The following ITGB4 variants were observed in gnomAD, a reference collection of about 807,000 sequenced individuals.
ITGB4 encodes the protein integrin beta-4.
A neutral mutation model predicts 207.6 loss-of-function variants in ITGB4; 159 were observed. The ratio of observed to expected loss-of-function variants is 0.77; its 90% CI spans 0.67 to 0.87. The LOEUF (loss-of-function observed/expected upper bound fraction) is 0.87. ITGB4 is among the 40% of genes least tolerant of loss of function. The pLI, the probability that ITGB4 is intolerant of heterozygous loss-of-function variation, is 0.00. For synonymous variants in ITGB4, 1,020 were observed against 1,062.7 expected (o/e 0.96, Z 0.78); for missense variants, 2,278 against 2,546.8 (o/e 0.89, Z 2.27).
chr17:75,757,605 C>G lies in ITGB4; in HGVS notation c.*50C>G. On this transcript the variant is annotated 3_prime_UTR_variant, in exon 40 of 40. Transcript: ENST00000200181. ...CGTCCCACTAGGCGTCCTCCCGACT[C>G]CTCTCCCGGAGCCTCCTCAGCTACT... 6.2e-7 allele frequency: 1 copy of G among 1,611,446 alleles called. No homozygotes were observed. The highest frequency in any genetic ancestry group is 1.1e-5 in the South Asian group (1 of 91,048).
At position 75,739,003 on chromosome 17, in the gene ITGB4, A is replaced by C. The variant is rs923410905; in HGVS notation, c.2221-669A>C. 3.3e-5 allele frequency among the ~76,000 whole-genome samples: 5 copies of C among 151,842 alleles called. No homozygotes were observed. Among genetic ancestry groups the C allele is most frequent in the African/African-American group, 9.7e-5 (4 of 41,346 alleles). Reference sequence around the variant, plus strand: ...AAAAAAAAAGAAGGTTTAAGAAACAAGTTTCTTAAATTTAAGTTACAGTGG... The same window carrying C: ...AAAAAAAAAGAAGGTTTAAGAAACACGTTTCTTAAATTTAAGTTACAGTGG... On this transcript the variant is annotated intron_variant, in intron 18 of 39. Coordinates refer to ENST00000200181, the MANE Select transcript of ITGB4 (RefSeq NM_000213.5). The surrounding 1 kb of genome is among the most constrained non-coding windows in gnomAD (Gnocchi z 5.4).
rs547538762 is a variant in ITGB4, at chr17:75,733,373, G to A, written c.1455-117G>A. ...TGCACTCCAGCCTGGGCGACAAGGCGAGACTCCGTCTCAAAAAAAAAAATA... is the reference window on the plus strand; with the variant it reads ...TGCACTCCAGCCTGGGCGACAAGGCAAGACTCCGTCTCAAAAAAAAAAATA... On this transcript the variant is annotated intron_variant, in intron 12 of 39. Transcript: ENST00000200181. 2.2e-3 allele frequency: 1,786 copies of A among 824,850 alleles called. 9 individuals are homozygous for A. Among genetic ancestry groups the A allele is most frequent in the Non-Finnish European group, 2.8e-3 (1,597 of 563,738 alleles). The allele number at this position is 824,850 out of a possible 1,614,324, so 51.1% of individuals were successfully genotyped here. A position where few individuals can be genotyped will look rare whatever the true frequency, so the allele number is the denominator to read the frequency against.
Position 75,742,713 on chromosome 17 carries a change from G to T in ITGB4, c.2914G>T (p.Ala972Ser). The T allele has an allele frequency of 6.2e-7, 1 of 1,613,352 alleles. No individual in the cohort carries two copies. ...VEAIDVPAGT[A>S]TLGRRLVNIT... The stretch of plus-strand genomic sequence containing the variant: ...GGCCATCGACGTGCCCGCAGGCACT[G>T]CCACCCTCGGCCGCCGCCTGGTAAA... The change falls in exon 25 of 40, where the codon GCC (alanine) becomes TCC (serine). Residue 972 changes from alanine (A) to serine (S), a missense_variant. By Grantham distance (99) the Ala-to-Ser change is moderately conservative (BLOSUM62 1). Coordinates refer to ENST00000200181, the MANE Select transcript of ITGB4 (RefSeq NM_000213.5). The surrounding 1 kb of genome is among the most constrained non-coding windows in gnomAD (Gnocchi z 5.9).
In ITGB4 at chr17:75,743,740, C is replaced by A. The variant is rs939093780; in HGVS notation, c.2990C>A (p.Pro997His). The change falls in exon 26 of 40, where the codon CCT becomes CAT. Residue 997 changes from proline to histidine, a missense_variant. By Grantham distance (77) the Pro-to-His change is moderately conservative. Transcript: ENST00000200181. ...QARDVVSFEQ[P>H]EFSVSRGDQV... ...AGAGACGTGGTGTCCTTTGAGCAGCCTGAGTTCTCGGTCAGCCGCGGGGAC... is the reference window on the plus strand; with the variant it reads ...AGAGACGTGGTGTCCTTTGAGCAGCATGAGTTCTCGGTCAGCCGCGGGGAC... 5 of 1,613,468 alleles carry A rather than the reference C, an allele frequency of 3.1e-6. No homozygotes were observed. Among genetic ancestry groups the A allele is most frequent in the Middle Eastern group, 1.6e-4 (1 of 6,084 alleles).
chr17:75,740,433 C>A lies in ITGB4; in HGVS notation c.2522C>A (p.Ala841Asp), dbSNP rs1442197236. Reference sequence around the variant, plus strand: ...CTGAAGCCTGACACTCGGGAGTGCGCCCAGCTGCGCCAGGAGGTGGAGGAG... The same window carrying A: ...CTGAAGCCTGACACTCGGGAGTGCGACCAGCTGCGCCAGGAGGTGGAGGAG... ...NLLKPDTREC[A>D]QLRQEVEENL... is the part of the protein sequence containing the mutation. The change falls in exon 21 of 40, where the codon GCC becomes GAC. Residue 841 changes from alanine (A) to aspartate (D), a missense_variant. By Grantham distance (126) the Ala-to-Asp change is moderately radical. Transcript: ENST00000200181. The surrounding 1 kb of genome is among the most constrained non-coding windows in gnomAD (Gnocchi z 5.9). The A allele has an allele frequency of 6.2e-7, 1 of 1,613,690 alleles. No homozygotes were observed. The highest frequency in any genetic ancestry group is 2.2e-5 in the East Asian group (1 of 44,884).
At position 75,737,460 on chromosome 17, in the gene ITGB4, C is replaced by T. The variant is rs760439767; in HGVS notation, c.2113+16C>T. On this transcript the variant is annotated intron_variant, in intron 17 of 39. Coordinates refer to ENST00000200181, the MANE Select transcript of ITGB4 (RefSeq NM_000213.5). ...AAGAAGAAGGGTGAGCTGGTGGGGC[C>T]GGGCGCAGGGAGGGGGCGTGTGGCC... 42 of 1,552,226 alleles carry T rather than the reference C, an allele frequency of 2.7e-5. No homozygotes were observed. Among genetic ancestry groups the T allele is most frequent in the Middle Eastern group, 1.8e-4 (1 of 5,670 alleles).
Position 75,743,812 on chromosome 17 carries a change from A to C in ITGB4, c.3062A>C (p.Lys1021Thr). Residue 1021 changes from lysine (K) to threonine (T), a missense_variant, in exon 26 of 40, where the codon AAG (lysine) becomes ACG (threonine). Coordinates refer to ENST00000200181, the MANE Select transcript of ITGB4 (RefSeq NM_000213.5). Reference sequence around the variant, plus strand: ...ATCCGGCGTGTCCTGGACGGCGGGAAGTCCCAGGTCTCCTACCGCACACAG... The same window carrying C: ...ATCCGGCGTGTCCTGGACGGCGGGACGTCCCAGGTCTCCTACCGCACACAG... ...PVIRRVLDGG[K>T]SQVSYRTQDG... is the part of the protein sequence containing the mutation. 6.2e-7 allele frequency: 1 copy of C among 1,611,242 alleles called. No individual in the cohort carries two copies. The highest frequency in any genetic ancestry group is 8.5e-7 in the Non-Finnish European group (1 of 1,179,020).
intron 32 of ITGB4, 68 bp from the exon 33 acceptor site, chr17:75,753,697 C>G: frequency 9.0e-7 from 1 of 1,106,614 alleles, no homozygotes; most frequent in Non-Finnish European, 1.2e-6. Flanking sequence ...CTACGGCCTT[C>G]CCCCGCCTGG....
chr17:75,728,511 C>CACATGGCCTGGACCCTTG, intron 6 of ITGB4, 38 bp downstream of exon 6: 1 of 1,503,610 alleles, frequency 6.7e-7, no homozygotes, highest in Non-Finnish European at 9.3e-7. Flanking sequence ...GGGCAAGGGT[C>CACATGGCCTGGACCCTTG]CAGGCCATGT....
chr17:75,738,030 A>G (rs575495278), intron 18 of ITGB4, among the ~76,000 whole-genome samples: 155 of 152,146 alleles, frequency 1.0e-3, no homozygotes, highest in African/African-American at 3.6e-3. Flanking sequence ...AGCTGTCTGG[A>G]TTCTGGTCCC....
At position 75,739,596 on chromosome 17, in the gene ITGB4, G is replaced by A; in HGVS notation, c.2221-76G>A. 1 of 1,533,112 alleles carries A rather than the reference G, an allele frequency of 6.5e-7. No individual in the cohort carries two copies. Among genetic ancestry groups the A allele is most frequent in the Middle Eastern group, 1.7e-4 (1 of 5,914 alleles). The allele number at this position is 1,533,112 out of a possible 1,614,324, so 95.0% of individuals were successfully genotyped here. The stretch of plus-strand genomic sequence containing the variant: ...TCACCCCTCTTGACCATTGGCATGG[G>A]GCGGGGTGGCTGGAAGGGCTTACCT... On this transcript the variant is annotated intron_variant, in intron 18 of 39. Transcript: ENST00000200181. The surrounding 1 kb of genome is among the most constrained non-coding windows in gnomAD (Gnocchi z 5.4).
chr17:75,722,947 C>T lies in ITGB4; in HGVS notation c.-11+1335C>T, dbSNP rs895601053. On this transcript the variant is annotated intron_variant, in intron 1 of 39. Transcript: ENST00000200181. The surrounding 1 kb of genome is among the most constrained non-coding windows in gnomAD (Gnocchi z 6.2). ...GTCCTGAGCGCTGGGCCCAGCCCAT[C>T]GTGATACATCTAATGATAAACACAA... 7.2e-5 allele frequency among the ~76,000 whole-genome samples: 11 copies of T among 152,114 alleles called. No individual in the cohort carries two copies. Among genetic ancestry groups the T allele is most frequent in the African/African-American group, 1.7e-4 (7 of 41,408 alleles).
intron 26 of ITGB4, among the ~76,000 whole-genome samples, chr17:75,746,804 T>C (rs2061242009): frequency 6.6e-6 from 1 of 151,592 alleles, no homozygotes; most frequent in East Asian, 2.0e-4. Flanking sequence ...ATCTGGGTGT[T>C]GTGGTGTGCA....
At chr17:75,724,901 C>G (rs1037351740) in intron 2 of ITGB4, 119 bp downstream of exon 2, 4 of 817,566 alleles carry the variant, frequency 4.9e-6, no homozygotes, top group Non-Finnish European at 8.2e-6. Context: ...CAGCAACTGA[C>G]CACTGCCCAC....
chr17:75,730,836 G>A, intron 8 of ITGB4, 39 bp from the exon 9 acceptor site: 1 of 1,513,702 alleles, frequency 6.6e-7, no homozygotes, highest in East Asian at 2.3e-5. Context: ...TCAGATTCAT[G>A]GAGATGCTTA....
intron 30 of ITGB4, 190 bp from the exon 31 acceptor site, chr17:75,751,984 C>T: frequency 1.4e-6 from 1 of 729,458 alleles, no homozygotes; most frequent in Non-Finnish European, 2.5e-6. Flanking sequence ...GGACTGGTGA[C>T]ATATGTCCAC....
intron 26 of ITGB4, among the ~76,000 whole-genome samples, chr17:75,744,532 T>G (rs1299053467): frequency 6.6e-6 from 1 of 152,124 alleles, no homozygotes; most frequent in East Asian, 1.9e-4. Context: ...AAACTCCCCC[T>G]ATATGCCCCA....
chr17:75,742,844 G>A lies in ITGB4; in HGVS notation c.2962+83G>A, dbSNP rs2061146963. On this transcript the variant is annotated intron_variant, in intron 25 of 39. Transcript: ENST00000200181. This position sits in a 1 kb window ranked among gnomAD's most constrained non-coding sequence, Gnocchi z 5.9. ...TCCTGCTTAAGTGGAATTGCGACCT[G>A]GCCACGTGGCCTGGGCTAGTCACTT... 1.5e-6 allele frequency: 2 copies of A among 1,316,654 alleles called. No homozygotes were observed. The highest frequency in any genetic ancestry group is 4.9e-5 in the East Asian group (2 of 40,514). The allele number at this position is 1,316,654 out of a possible 1,614,324, so 81.6% of individuals were successfully genotyped here.
chr17:75,742,739 C>T lies in ITGB4; in HGVS notation c.2940C>T (p.Asn980=). The change falls in exon 25 of 40, where the codon AAC becomes AAT. Residue 980 remains asparagine, a synonymous_variant. Coordinates refer to ENST00000200181, the MANE Select transcript of ITGB4 (RefSeq NM_000213.5). The surrounding 1 kb of genome is among the most constrained non-coding windows in gnomAD (Gnocchi z 5.9). The part of the protein sequence containing the change: ...GTATLGRRLV[N]ITIIKEQARD... ...CCACCCTCGGCCGCCGCCTGGTAAA[C>T]ATCACCATCATCAAGGAGCAAGGTG... 1 of 1,611,196 alleles carries T rather than the reference C, an allele frequency of 6.2e-7. No individual in the cohort carries two copies. The highest frequency in any genetic ancestry group is 8.5e-7 in the Non-Finnish European group (1 of 1,179,990).
Sources: allele counts gnomAD v4.1 joint callset (sites outside exome capture counted in the v4.1 genomes callset), GRCh38; gene constraint gnomAD v4.1.1; non-coding constraint Gnocchi (gnomAD v3.1); transcripts MANE v1.5; gene names NCBI Gene and HGNC (gene_info 2026-07-23, HGNC 2026-07-21).